Variants in ATRNL1 observed in about 807,000 individuals in gnomAD.
ATRNL1 encodes the protein attractin like 1.
In ATRNL1, 95 loss-of-function variants were observed where a neutral mutation model predicts 182.7. The ratio of observed to expected loss-of-function variants is 0.52; its 90% CI spans 0.44 to 0.62. The LOEUF is 0.62. Ranked by LOEUF, ATRNL1 falls within the 20% of genes least tolerant of loss-of-function variation. The pLI, the probability that ATRNL1 is intolerant of heterozygous loss-of-function variation, is 0.00. For missense variants in ATRNL1, 1,471 were observed against 1,679.5 expected, an observed-to-expected ratio of 0.88 and a Z score of 2.17; for synonymous variants, 576 against 568.3, an observed-to-expected ratio of 1.01 and a Z score of -0.19.
chr10:115,715,679 AAAT>A (rs1555056062), intron 26 of ATRNL1, among the ~76,000 whole-genome samples: 1 of 152,236 alleles, frequency 6.6e-6, no homozygotes, highest in Admixed American at 6.5e-5. Flanking sequence ...AACAGGTTAA[AAAT>A]AATCACAACA....
chr10:115,847,778 GGAAT>G lies in ATRNL1; in HGVS notation c.3904-97_3904-94del. ...ACACATGGTGTGTCCTGAACAACTAGGAATGTACAGCACAGCTACCTAAAGGATA... is the reference window on the plus strand; with the variant it reads ...ACACATGGTGTGTCCTGAACAACTAGGTACAGCACAGCTACCTAAAGGATA... On this transcript the variant is annotated intron_variant, in intron 27 of 28. Transcript: ENST00000355044. The G allele has an allele frequency of 4.3e-6, 3 of 702,364 alleles. No individual in the cohort carries two copies. The Admixed American group carries it at 6.2e-5, about 15-fold the overall frequency. 43.5% of individuals were successfully genotyped at this position (702,364 alleles called of 1,614,324 possible).
At chr10:115,351,746 T>TTTGTTTTGTTTTGTTTTGTA (rs1856263284) in intron 19 of ATRNL1, among the ~76,000 whole-genome samples, 1 of 150,416 alleles carries the variant, frequency 6.6e-6, no homozygotes, top group Non-Finnish European at 1.5e-5. Flanking sequence ...TTTCTTGTGT[T>TTTGTTTTGTTTTGTTTTGTA]TTGTTTTGTT....
At chr10:115,659,717 A>G (rs1860556080) in intron 26 of ATRNL1, among the ~76,000 whole-genome samples, 1 of 152,146 alleles carries the variant, frequency 6.6e-6, no homozygotes, top group Non-Finnish European at 1.5e-5. Context: ...CATTGGAGAC[A>G]TTGTCTCAAA....
intron 26 of ATRNL1, among the ~76,000 whole-genome samples, chr10:115,624,196 A>G (rs143863300): frequency 6.6e-5 from 10 of 152,174 alleles, no homozygotes; most frequent in African/African-American, 2.4e-4. Context: ...ATTCAATAGC[A>G]TACAATAATA....
At chr10:115,360,136 T>C (rs1449816049) in intron 19 of ATRNL1, among the ~76,000 whole-genome samples, 3 of 151,348 alleles carry the variant, frequency 2.0e-5, no homozygotes, top group Non-Finnish European at 4.4e-5. Flanking sequence ...CCTAACAACA[T>C]CCCAATACCC....
intron 27 of ATRNL1, among the ~76,000 whole-genome samples, chr10:115,806,115 T>A (rs538015242): frequency 6.6e-6 from 1 of 152,198 alleles, no homozygotes; most frequent in Non-Finnish European, 1.5e-5. Context: ...TAAAAGAACT[T>A]ACTTAAACTT....
At chr10:115,458,129 A>C (rs1847617156) in intron 21 of ATRNL1, among the ~76,000 whole-genome samples, 1 of 152,124 alleles carries the variant, frequency 6.6e-6, no homozygotes. Context: ...ACATGTTTTA[A>C]ATTTTAAAGT....
intron 27 of ATRNL1, among the ~76,000 whole-genome samples, chr10:115,824,734 G>T (rs142385453): frequency 6.6e-6 from 1 of 152,084 alleles, no homozygotes; most frequent in Non-Finnish European, 1.5e-5. Context: ...ATCTCACACC[G>T]GTTAGAATGG....
intron 10 of ATRNL1, among the ~76,000 whole-genome samples, chr10:115,254,397 C>T (rs1851023409): frequency 1.3e-5 from 2 of 152,202 alleles, no homozygotes; most frequent in South Asian, 4.1e-4. Context: ...TGATGATGAG[C>T]ATTTTTTCAT....
At chr10:115,251,409 C>T (rs78219826) in intron 10 of ATRNL1, among the ~76,000 whole-genome samples, 2,220 of 152,240 alleles carry the variant, frequency 0.015, 50 homozygotes, top group African/African-American at 0.049. Context: ...CTATATCCAG[C>T]GACTGAAGAC....
intron 28 of ATRNL1, among the ~76,000 whole-genome samples, chr10:115,859,421 GA>G (rs1279083283): frequency 6.6e-6 from 1 of 151,868 alleles, no homozygotes; most frequent in African/African-American, 2.4e-5. Flanking sequence ...ACCAGAAAAA[GA>G]AAATAATATA....
At chr10:115,419,030 C>A (rs1554961404) in intron 20 of ATRNL1, among the ~76,000 whole-genome samples, 1 of 152,034 alleles carries the variant, frequency 6.6e-6, no homozygotes, top group African/African-American at 2.4e-5. Context: ...CCACATTTAT[C>A]TTTGTATAAA....
At chr10:115,606,591 G>A (rs1308804258) in intron 26 of ATRNL1, among the ~76,000 whole-genome samples, 1 of 151,990 alleles carries the variant, frequency 6.6e-6, no homozygotes, top group Non-Finnish European at 1.5e-5. Context: ...TTCTGTGCTT[G>A]CAATTATTAT....
At chr10:115,391,267 AC>A (rs1844003306) in intron 19 of ATRNL1, among the ~76,000 whole-genome samples, 1 of 152,134 alleles carries the variant, frequency 6.6e-6, no homozygotes, top group Admixed American at 6.5e-5. Context: ...TAAACTTTTT[AC>A]CTTTCAGTAT....
At chr10:115,823,312 G>A (rs1336736134) in intron 27 of ATRNL1, among the ~76,000 whole-genome samples, 9 of 152,128 alleles carry the variant, frequency 5.9e-5, no homozygotes, top group African/African-American at 2.2e-4. Flanking sequence ...CAGACCCACA[G>A]CCAATAACAT....
At chr10:115,540,688 C>T (rs543203625) in intron 25 of ATRNL1, among the ~76,000 whole-genome samples, 18 of 148,102 alleles carry the variant, frequency 1.2e-4, no homozygotes, top group African/African-American at 3.7e-4. Flanking sequence ...ACCCAGGAGG[C>T]GGAGGTTGCA....
chr10:115,869,059 G>A (rs1027248698), intron 28 of ATRNL1, among the ~76,000 whole-genome samples: 35 of 151,978 alleles, frequency 2.3e-4, no homozygotes, highest in African/African-American at 8.2e-4. Context: ...TTGATCTCCT[G>A]ACCTCGTGAT....
chr10:115,882,058 G>A (rs185573694), intron 28 of ATRNL1, among the ~76,000 whole-genome samples: 1 of 152,132 alleles, frequency 6.6e-6, no homozygotes, highest in Non-Finnish European at 1.5e-5. Context: ...CCCAGCCTTG[G>A]TTCCTAACAC....
chr10:115,591,865 T>G (rs1480496801), intron 26 of ATRNL1, among the ~76,000 whole-genome samples: 1 of 152,202 alleles, frequency 6.6e-6, no homozygotes, highest in Non-Finnish European at 1.5e-5. Flanking sequence ...AAAAGACACG[T>G]GCACTCTTAT....
Sources: allele counts gnomAD v4.1 joint callset (sites outside exome capture counted in the v4.1 genomes callset), GRCh38; gene constraint gnomAD v4.1.1; transcripts MANE v1.5; gene names NCBI Gene and HGNC (gene_info 2026-07-23, HGNC 2026-07-21).